The following SEMA6D variants were observed in gnomAD, a reference collection of about 807,000 sequenced individuals.
SEMA6D encodes the protein semaphorin 6D.
Under a neutral mutation model 106.6 loss-of-function variants are expected in SEMA6D, and 35 were observed. The observed-to-expected ratio is 0.33, with a 90% CI of 0.25 to 0.44. The LOEUF is 0.44. Among genes scored for constraint, SEMA6D ranks in the 20% least tolerant of loss-of-function variants. The pLI, the probability that SEMA6D is intolerant of heterozygous loss-of-function variation, is 1.00. For synonymous variants in SEMA6D, 499 were observed against 487.7 expected, an observed-to-expected ratio of 1.02 and a Z score of -0.31; for missense variants, 1,185 against 1,345.9, an observed-to-expected ratio of 0.88 and a Z score of 1.87.
chr15:47,760,806 T>C (rs1328456026), intron 3 of SEMA6D, among the ~76,000 whole-genome samples, 172 bp from the exon 4 acceptor site: 2 of 152,216 alleles, frequency 1.3e-5, no homozygotes, highest in Admixed American at 6.5e-5. Flanking sequence ...TACAGTGATA[T>C]ATAAAAGCAT....
At chr15:47,507,343 C>CA (rs1022621232) in intron 3 of SEMA6D, among the ~76,000 whole-genome samples, 7 of 111,896 alleles carry the variant, frequency 6.3e-5, no homozygotes, top group African/African-American at 2.3e-4. Context: ...TGGGACACCC[C>CA]CCCCCACCCC....
intron 1 of SEMA6D, among the ~76,000 whole-genome samples, chr15:47,390,568 G>GT (rs1214200152): frequency 9.5e-6 from 1 of 104,744 alleles, no homozygotes; most frequent in Non-Finnish European, 1.7e-5. Flanking sequence ...AGCCTCACCG[G>GT]TTTTTTTGTT....
At chr15:47,243,440 C>G (rs2033031869) in intron 1 of SEMA6D, among the ~76,000 whole-genome samples, 1 of 149,010 alleles carries the variant, frequency 6.7e-6, no homozygotes. Flanking sequence ...AAAAAAAAGG[C>G]TTGTAATGAT....
intron 3 of SEMA6D, among the ~76,000 whole-genome samples, chr15:47,550,898 G>A (rs1435876953): frequency 2.0e-5 from 3 of 152,134 alleles, no homozygotes. Context: ...CGATGTGGGA[G>A]AAAATGTAAA....
At chr15:47,667,739 A>G (rs560824844) in intron 4 of SEMA6D, among the ~76,000 whole-genome samples, 11 of 152,092 alleles carry the variant, frequency 7.2e-5, no homozygotes, top group Admixed American at 5.2e-4. Flanking sequence ...TTATAACAGC[A>G]CTCACCTCCC....
chr15:47,337,540 A>G (rs1849919421), intron 1 of SEMA6D, among the ~76,000 whole-genome samples: 1 of 152,150 alleles, frequency 6.6e-6, no homozygotes, highest in South Asian at 2.1e-4. Context: ...TATTGCATGG[A>G]TTTGGATGGC....
At chr15:47,605,615 C>T (rs1437549595) in intron 4 of SEMA6D, among the ~76,000 whole-genome samples, 1 of 152,168 alleles carries the variant, frequency 6.6e-6, no homozygotes, top group Non-Finnish European at 1.5e-5. Context: ...GGACATTTCC[C>T]CAACCACATC....
intron 1 of SEMA6D, among the ~76,000 whole-genome samples, chr15:47,323,762 C>T (rs964687966): frequency 6.6e-6 from 1 of 152,084 alleles, no homozygotes; most frequent in African/African-American, 2.4e-5. Context: ...GCTTTAAAGA[C>T]TGACTGGAGT....
At chr15:47,675,267 T>C (rs2078219814) in intron 4 of SEMA6D, among the ~76,000 whole-genome samples, 1 of 152,214 alleles carries the variant, frequency 6.6e-6, no homozygotes, top group Admixed American at 6.5e-5. Context: ...CCCTAATCCC[T>C]AGGACCTCAG....
intron 1 of SEMA6D, among the ~76,000 whole-genome samples, chr15:47,322,300 A>G (rs560227044): frequency 1.3e-5 from 2 of 149,332 alleles, no homozygotes; most frequent in South Asian, 2.1e-4. Context: ...TTTTTGCCTA[A>G]TGTCATTTTT....
chr15:47,565,323 G>A (rs1312718492), intron 3 of SEMA6D, among the ~76,000 whole-genome samples: 1 of 152,090 alleles, frequency 6.6e-6, no homozygotes, highest in Non-Finnish European at 1.5e-5. Context: ...TCCCATGAGG[G>A]GTGGAGCACA....
chr15:47,388,652 A>G (rs1360103091), intron 1 of SEMA6D, among the ~76,000 whole-genome samples: 5 of 152,210 alleles, frequency 3.3e-5, no homozygotes, highest in South Asian at 4.1e-4. Flanking sequence ...TCTCTTGTGA[A>G]TAAGGGGGAG....
chr15:47,555,977 C>T (rs1352353890), intron 3 of SEMA6D, among the ~76,000 whole-genome samples: 3 of 152,120 alleles, frequency 2.0e-5, no homozygotes, highest in Non-Finnish European at 4.4e-5. Context: ...AGATGACCCT[C>T]ATCAGTGTTT....
chr15:47,449,914 G>A lies in SEMA6D; in HGVS notation c.-158-20560G>A, dbSNP rs1195398397. Among the ~76,000 whole-genome samples, 5 of 152,044 alleles carry A rather than the reference G, an allele frequency of 3.3e-5. No individual in the cohort carries two copies. In the East Asian group the frequency reaches 5.8e-4, roughly 18 times the overall value. On this transcript the variant is annotated intron_variant, in intron 2 of 19. Transcript: ENST00000558014. ...TAGATGACAAGTTATGTGTTTAGCC[G>A]TCCCTGAGTACTTATTTTAAAATGT...
chr15:47,477,941 T>G (rs1043284759), intron 3 of SEMA6D, among the ~76,000 whole-genome samples: 1 of 152,192 alleles, frequency 6.6e-6, no homozygotes, highest in African/African-American at 2.4e-5. Flanking sequence ...TGACCTTCAT[T>G]TACTGTAGCT....
intron 4 of SEMA6D, among the ~76,000 whole-genome samples, chr15:47,644,802 A>C (rs985786797): frequency 1.3e-5 from 2 of 152,218 alleles, no homozygotes; most frequent in Non-Finnish European, 2.9e-5. Flanking sequence ...GGGCTTTCCC[A>C]CATCAAATAG....
intron 1 of SEMA6D, among the ~76,000 whole-genome samples, chr15:47,365,718 G>A (rs1038254908): frequency 2.8e-4 from 42 of 152,020 alleles, no homozygotes; most frequent in African/African-American, 9.2e-4. Context: ...AAAATTAGCC[G>A]GGCATGGTGG....
chr15:47,543,167 G>A (rs2045409370), intron 3 of SEMA6D, among the ~76,000 whole-genome samples: 1 of 152,020 alleles, frequency 6.6e-6, no homozygotes, highest in Admixed American at 6.6e-5. Context: ...AATGGTTTTC[G>A]AATAAAGTAA....
intron 3 of SEMA6D, among the ~76,000 whole-genome samples, chr15:47,499,223 G>A (rs2043766797): frequency 6.6e-6 from 1 of 152,106 alleles, no homozygotes; most frequent in Admixed American, 6.6e-5. Flanking sequence ...CAAGACTGAG[G>A]TCTAAGACCA....
Sources: allele counts gnomAD v4.1 joint callset (sites outside exome capture counted in the v4.1 genomes callset), GRCh38; gene constraint gnomAD v4.1.1; transcripts MANE v1.5; gene names NCBI Gene and HGNC (gene_info 2026-07-23, HGNC 2026-07-21).